SHISA9: variants seen among roughly 807,000 people sequenced by gnomAD.
The protein encoded by SHISA9 is shisa family member 9.
Under a neutral mutation model 38.0 loss-of-function variants are expected in SHISA9, and 13 were observed. That is an observed-to-expected ratio of 0.34 (90% CI 0.22 to 0.54). The LOEUF (loss-of-function observed/expected upper bound fraction) is 0.54. Among genes scored for constraint, SHISA9 ranks in the 20% least tolerant of loss-of-function variants. The probability of loss-of-function intolerance (pLI) is 0.91; values close to 1 mark genes in which losing one functional copy is unlikely to be tolerated. For synonymous variants in SHISA9, 275 were observed against 242.0 expected (o/e 1.14, Z -1.27); for missense variants, 538 against 575.8 (o/e 0.93, Z 0.67).
the SHISA9 span, among the ~76,000 whole-genome samples, chr16:13,374,580 G>A: frequency 4.2e-4 from 64 of 152,264 alleles, no homozygotes; most frequent in African/African-American, 1.4e-3. Flanking sequence ...GGACATTTGG[G>A]TTGGTTCCAA....
At chr16:13,071,525 C>A (rs2073513997) in intron 2 of SHISA9, among the ~76,000 whole-genome samples, 1 of 151,894 alleles carries the variant, frequency 6.6e-6, no homozygotes, top group South Asian at 2.1e-4. Flanking sequence ...CATTCCTTTC[C>A]TTTCCTTTCT....
chr16:12,925,685 A>G (rs1235063292), intron 2 of SHISA9, among the ~76,000 whole-genome samples: 2 of 152,318 alleles, frequency 1.3e-5, no homozygotes, highest in Middle Eastern at 3.4e-3. Context: ...AGTTTAAAAG[A>G]TGCCAAGTTC....
intron 2 of SHISA9, among the ~76,000 whole-genome samples, chr16:12,920,990 T>A (rs72782640): frequency 6.6e-6 from 1 of 152,126 alleles, no homozygotes; most frequent in East Asian, 1.9e-4. Flanking sequence ...ACTGCCACAG[T>A]GTAAAACGTG....
chr16:13,557,116 A>T, the SHISA9 span, among the ~76,000 whole-genome samples: 1 of 152,210 alleles, frequency 6.6e-6, no homozygotes. Context: ...ATATTGAAAT[A>T]ATCAATGAAG....
the SHISA9 span, among the ~76,000 whole-genome samples, chr16:13,559,137 G>T: frequency 2.6e-5 from 4 of 151,976 alleles, no homozygotes; most frequent in Admixed American, 2.6e-4. Flanking sequence ...AACAAATATT[G>T]GTGACATAAA....
the SHISA9 span, among the ~76,000 whole-genome samples, chr16:13,382,604 A>G: frequency 3.3e-5 from 5 of 151,934 alleles, no homozygotes; most frequent in Admixed American, 1.3e-4. Flanking sequence ...CCCACCTGTA[A>G]TCCCAGGACT....
At chr16:13,427,237 A>C in the SHISA9 span, among the ~76,000 whole-genome samples, 1 of 152,232 alleles carries the variant, frequency 6.6e-6, no homozygotes, top group Non-Finnish European at 1.5e-5. Flanking sequence ...AAGAGAAAGA[A>C]ATAAAATATT....
At chr16:13,323,843 G>A in the SHISA9 span, among the ~76,000 whole-genome samples, 1 of 152,142 alleles carries the variant, frequency 6.6e-6, no homozygotes, top group Non-Finnish European at 1.5e-5. Context: ...TCGACACCTG[G>A]GGATTACAAT....
At chr16:13,150,525 G>C (rs1017338288) in intron 2 of SHISA9, among the ~76,000 whole-genome samples, 3 of 152,314 alleles carry the variant, frequency 2.0e-5, no homozygotes, top group African/African-American at 7.2e-5. Flanking sequence ...CCAAGATAGT[G>C]AGATTATTCT....
At chr16:13,098,169 G>A (rs1339818131) in intron 2 of SHISA9, among the ~76,000 whole-genome samples, 1 of 152,104 alleles carries the variant, frequency 6.6e-6, no homozygotes, top group Non-Finnish European at 1.5e-5. Context: ...TGTTGATAAG[G>A]CATGTAAATC....
Position 12,923,790 on chromosome 16 carries a change from G to A in SHISA9, c.691+6975G>A, listed in dbSNP as rs953980515. Among the ~76,000 whole-genome samples, 16 of 151,692 alleles carry A rather than the reference G, an allele frequency of 1.1e-4. 1 individual carries two copies. In the South Asian group the frequency reaches 2.1e-3, roughly 20 times the overall value. On this transcript the variant is annotated intron_variant, in intron 2 of 4. Coordinates refer to ENST00000558583, the MANE Select transcript of SHISA9 (RefSeq NM_001145204.3). Reference sequence around the variant, plus strand: ...TGGGAGGCGGAGCTTGCAGTGAGCCGAGATCACGTCACTGCACCCCAGCCT... The same window carrying A: ...TGGGAGGCGGAGCTTGCAGTGAGCCAAGATCACGTCACTGCACCCCAGCCT...
chr16:13,361,744 C>T, the SHISA9 span, among the ~76,000 whole-genome samples: 2 of 152,194 alleles, frequency 1.3e-5, no homozygotes, highest in Non-Finnish European at 2.9e-5. Context: ...GCCATCATCT[C>T]CACTCTCCTT....
intron 2 of SHISA9, among the ~76,000 whole-genome samples, chr16:13,113,768 G>A (rs566013512): frequency 1.3e-5 from 2 of 152,106 alleles, no homozygotes; most frequent in African/African-American, 2.4e-5. Flanking sequence ...GAGGAGAAAG[G>A]GATGAACACA....
intron 2 of SHISA9, among the ~76,000 whole-genome samples, chr16:13,051,374 C>G (rs2073249124): frequency 6.6e-6 from 1 of 152,194 alleles, no homozygotes. Flanking sequence ...ATGCAATTGT[C>G]TCCACCTGGC....
At chr16:13,342,805 T>C in the SHISA9 span, among the ~76,000 whole-genome samples, 1 of 152,174 alleles carries the variant, frequency 6.6e-6, no homozygotes, top group African/African-American at 2.4e-5. Flanking sequence ...TGTTCTTGGC[T>C]CCTGTTCTCC....
At chr16:13,042,594 C>G (rs1294638266) in intron 2 of SHISA9, among the ~76,000 whole-genome samples, 1 of 152,034 alleles carries the variant, frequency 6.6e-6, no homozygotes, top group Non-Finnish European at 1.5e-5. Context: ...AAGAGTGCCC[C>G]CTTTGTGATG....
At chr16:13,143,548 G>A (rs777735057) in intron 2 of SHISA9, among the ~76,000 whole-genome samples, 2 of 152,110 alleles carry the variant, frequency 1.3e-5, no homozygotes, top group Non-Finnish European at 2.9e-5. Flanking sequence ...TTTCCCTACC[G>A]TGCTCCCCAG....
At chr16:13,545,081 A>G in the SHISA9 span, among the ~76,000 whole-genome samples, 18,088 of 152,242 alleles carry the variant, frequency 0.12, 1,217 homozygotes, top group African/African-American at 0.17. Flanking sequence ...ATCAAATCTT[A>G]TGCCATGTGC....
the SHISA9 span, among the ~76,000 whole-genome samples, chr16:13,492,647 A>T: frequency 6.6e-6 from 1 of 152,154 alleles, no homozygotes; most frequent in Admixed American, 6.5e-5. Flanking sequence ...CTAACATAGC[A>T]CCTGACTCAG....
Sources: gnomAD v4.1 joint callset for allele counts (sites outside exome capture counted in the v4.1 genomes callset) on GRCh38, gnomAD v4.1.1 for gene constraint, MANE v1.5 for transcripts, NCBI Gene and HGNC (gene_info 2026-07-23, HGNC 2026-07-21) for gene names.